The following NEURL4 variants were observed in gnomAD, a reference collection of about 807,000 sequenced individuals.
NEURL4 encodes neuralized-like protein 4.
Under a neutral mutation model 148.0 loss-of-function variants are expected in NEURL4, and 45 were observed. The observed-to-expected ratio is 0.30, with a 90% confidence interval of 0.24 to 0.39. NEURL4 has a LOEUF of 0.39. Among genes scored for constraint, NEURL4 ranks in the 10% least tolerant of loss-of-function variants. The pLI is 1.00. For missense variants in NEURL4, 1,776 were observed against 2,144.0 expected, an observed-to-expected ratio of 0.83 and a Z score of 3.39; for synonymous variants, 854 against 869.0, an observed-to-expected ratio of 0.98 and a Z score of 0.30.
rs1217534374 is a variant in NEURL4 at position 7,327,019 on chromosome 17, C to A, written c.794-10G>T. The A allele has an allele frequency of 6.2e-7, 1 of 1,608,840 alleles. No individual in the cohort carries two copies. On this transcript the variant is annotated splice_polypyrimidine_tract_variant and intron_variant, in intron 3 of 28. Coordinates refer to ENST00000399464, the MANE Select transcript of NEURL4 (RefSeq NM_032442.3). This position sits in a 1 kb window ranked among gnomAD's most constrained non-coding sequence, Gnocchi z 6.6. The stretch of plus-strand genomic sequence containing the variant: ...TCCATGTTGGCAAAGTCTATAGCAG[C>A]AGGATGGAAGAAGGAAGCTCGGAAG...
At chr17:7,328,163 T>C (rs1354327605) in intron 1 of NEURL4, among the ~76,000 whole-genome samples, 1 of 152,230 alleles carries the variant, frequency 6.6e-6, no homozygotes, top group East Asian at 1.9e-4. Flanking sequence ...TCCTTGTCTC[T>C]ATGGCTCTCC....
At chr17:7,325,144 T>TCCCCC in intron 8 of NEURL4, 65 bp downstream of exon 8, 1 of 956,478 alleles carries the variant, frequency 1.0e-6, no homozygotes, top group South Asian at 1.5e-5. Context: ...TCCACTTCCT[T>TCCCCC]GCCCCGCCCC....
rs888050207 is a variant in NEURL4 at position 7,316,442 on chromosome 17, G to A, written c.4485-115C>T. On this transcript the variant is annotated intron_variant, in intron 28 of 28. Coordinates refer to ENST00000399464, the MANE Select transcript of NEURL4 (RefSeq NM_032442.3). ...TACCTAGGAAATACTCCCACCTTAT[G>A]GGAACTTCGCTCTAGCTGTTCTACC... The A allele has an allele frequency of 5.1e-6, 4 of 782,404 alleles. No individual in the cohort carries two copies. In the African/African-American group the frequency reaches 7.0e-5, roughly 14 times the overall value. The allele number at this position is 782,404 out of a possible 1,614,324, so 48.5% of individuals were successfully genotyped here.
At chr17:7,328,362 CCTCACCTAT>C (rs1255445577) in intron 1 of NEURL4, among the ~76,000 whole-genome samples, 1 of 152,242 alleles carries the variant, frequency 6.6e-6, no homozygotes, top group Non-Finnish European at 1.5e-5. Context: ...GGATCTTTCT[CCTCACCTAT>C]CTTTCTGGCA....
Position 7,324,211 on chromosome 17 carries a change from A to G in NEURL4, c.1959T>C (p.Asn653=), listed in dbSNP as rs1489374327. Reference sequence around the variant, plus strand: ...AGGCAGCAGGGCCCTGAGTCATCCCATTGACAAAGAAGTGGAGAGTCCCGT... The same window carrying G: ...AGGCAGCAGGGCCCTGAGTCATCCCGTTGACAAAGAAGTGGAGAGTCCCGT... ...REDGTLHFFV[N]GMTQGPAAWN... Residue 653 remains asparagine (N), a synonymous_variant, in exon 11 of 29, where the codon AAT becomes AAC. Transcript: ENST00000399464. This position sits in a 1 kb window ranked among gnomAD's most constrained non-coding sequence, Gnocchi z 5.9. The G allele has an allele frequency of 3.1e-6, 5 of 1,613,766 alleles. No individual in the cohort carries two copies. The East Asian group carries it at 8.9e-5, about 29-fold the overall frequency.
At chr17:7,316,793 G>A (rs1235703791) in intron 28 of NEURL4, among the ~76,000 whole-genome samples, 1 of 152,038 alleles carries the variant, frequency 6.6e-6, no homozygotes, top group African/African-American at 2.4e-5. Context: ...TTGGTGGTGC[G>A]TGCCTGTAGT....
chr17:7,326,182 G>T lies in NEURL4; in HGVS notation c.1293+73C>A. On this transcript the variant is annotated intron_variant, in intron 6 of 28. Coordinates refer to ENST00000399464, the MANE Select transcript of NEURL4 (RefSeq NM_032442.3). The surrounding 1 kb of genome is among the most constrained non-coding windows in gnomAD (Gnocchi z 6.0). ...CTAGGTCACATAGGAGACCCTGCTT[G>T]GTGCCCTGGCAGGGACACAGAGTAC... 7.0e-7 allele frequency: 1 copy of T among 1,432,126 alleles called. No individual in the cohort carries two copies. The highest frequency in any genetic ancestry group is 9.7e-7 in the Non-Finnish European group (1 of 1,028,708). 88.7% of individuals were successfully genotyped at this position (1,432,126 alleles called of 1,614,324 possible). A position where few individuals can be genotyped will look rare whatever the true frequency, so the allele number is the denominator to read the frequency against.
At position 7,321,562 on chromosome 17, in the gene NEURL4, C is replaced by T. The variant is rs1440044571; in HGVS notation, c.3097G>A (p.Gly1033Arg). 1 of 1,614,014 alleles carries T rather than the reference C, an allele frequency of 6.2e-7. No individual in the cohort carries two copies. Among genetic ancestry groups the T allele is most frequent in the African/African-American group, 1.3e-5 (1 of 74,928 alleles). The change falls in exon 18 of 29, where the codon GGG becomes AGG. Residue 1033 changes from glycine (G) to arginine (R), a missense_variant and splice_region_variant. Transcript: ENST00000399464. This position sits in a 1 kb window ranked among gnomAD's most constrained non-coding sequence, Gnocchi z 6.3. ...GTCCCTGGAGCCAGCCACTTCACCC[C>T]CAGCCTCTCTAGGTTCCGGCCATAG... ...MNYGRNLERLGVGSRVGVRRG... is the reference protein window; with the variant it reads ...MNYGRNLERLRVGSRVGVRRG...
In NEURL4 at chr17:7,321,821, C is replaced by T. The variant is rs368137898; in HGVS notation, c.2872-34G>A. 1.7e-5 allele frequency: 27 copies of T among 1,611,792 alleles called. No homozygotes were observed. Among genetic ancestry groups the T allele is most frequent in the East Asian group, 1.6e-4 (7 of 44,838 alleles). ...CAGAGAAAACATAAGCTGGCCCTGT[C>T]GTGATGGGCCTCGCAGCCCCTCTGT... On this transcript the variant is annotated intron_variant, in intron 17 of 28. Coordinates refer to ENST00000399464, the MANE Select transcript of NEURL4 (RefSeq NM_032442.3). This position sits in a 1 kb window ranked among gnomAD's most constrained non-coding sequence, Gnocchi z 6.3.
chr17:7,327,221 A>T lies in NEURL4; in HGVS notation c.737T>A (p.Val246Glu). 6.2e-7 allele frequency: 1 copy of T among 1,610,420 alleles called. No homozygotes were observed. The highest frequency in any genetic ancestry group is 8.5e-7 in the Non-Finnish European group (1 of 1,179,154). ...QGTSADEAFM[V>E]SPAQARPETF... ...CTCCGGCCGGGCCTGCGCTGGGGAC[A>T]CCATGAAGGCTGGGGACCAGGTGGG... Residue 246 changes from valine to glutamate, a missense_variant, in exon 3 of 29, where the codon GTG becomes GAG. Physicochemically the swap from Val to Glu is moderately radical, Grantham distance 121. Coordinates refer to ENST00000399464, the MANE Select transcript of NEURL4 (RefSeq NM_032442.3). This position sits in a 1 kb window ranked among gnomAD's most constrained non-coding sequence, Gnocchi z 6.6.
rs1418327401 is a variant in NEURL4, at chr17:7,325,482, G to A, written c.1367-9C>T. On this transcript the variant is annotated splice_polypyrimidine_tract_variant and intron_variant, in intron 7 of 28. Transcript: ENST00000399464. ...CAAGGGGGTTGCCACTCCTGTGGCAGGAAGGTACGGGGGTGTGGGAGTGGA... is the reference window on the plus strand; with the variant it reads ...CAAGGGGGTTGCCACTCCTGTGGCAAGAAGGTACGGGGGTGTGGGAGTGGA... 1 of 1,609,012 alleles carries A rather than the reference G, an allele frequency of 6.2e-7. No homozygotes were observed. Among genetic ancestry groups the A allele is most frequent in the Non-Finnish European group, 8.5e-7 (1 of 1,179,344 alleles).
At position 7,323,060 on chromosome 17, in the gene NEURL4, C is replaced by A; in HGVS notation, c.2481G>T (p.Ala827=). Residue 827 remains alanine (A), a synonymous_variant, in exon 15 of 29, where the codon GCG becomes GCT. Transcript: ENST00000399464. ...TGCCAATGCGTGCACCTGTGCCCAG[C>A]GCATCCAGGTCACACCCATAATTGT... The part of the protein sequence containing the change: ...MRNNYGCDLD[A]LGTGARIGMM... The A allele has an allele frequency of 6.2e-7, 1 of 1,613,792 alleles. No homozygotes were observed. The highest frequency in any genetic ancestry group is 8.5e-7 in the Non-Finnish European group (1 of 1,179,976).
At position 7,321,865 on chromosome 17, in the gene NEURL4, C is replaced by T. The variant is rs1186102520; in HGVS notation, c.2871G>A (p.Glu957=). Residue 957 remains glutamate, a splice_region_variant and synonymous_variant, in exon 17 of 29, where the codon GAG becomes GAA. Transcript: ENST00000399464. This position sits in a 1 kb window ranked among gnomAD's most constrained non-coding sequence, Gnocchi z 6.3. ...CCTCTGTCACATCACTACGGCCTAC[C>T]TCAAAGACTTCCTCAGCCCTCAGCT... The part of the protein sequence containing the change: ...TKELRAEEVF[E]VKVEELDEKW... 1 of 1,613,486 alleles carries T rather than the reference C, an allele frequency of 6.2e-7. No individual in the cohort carries two copies. The highest frequency in any genetic ancestry group is 8.5e-7 in the Non-Finnish European group (1 of 1,179,690).
chr17:7,317,283 C>T lies in NEURL4; in HGVS notation c.4406G>A (p.Arg1469Gln), dbSNP rs571226312. ...EEPGENCAPP[R>Q]EEQPPPVLLS... Reference sequence around the variant, plus strand: ...CAGCACAGGAGGGGGCTGCTCCTCCCGAGGAGGTGCACAGTTCTCGCCAGG... The same window carrying T: ...CAGCACAGGAGGGGGCTGCTCCTCCTGAGGAGGTGCACAGTTCTCGCCAGG... The change falls in exon 28 of 29, where the codon CGG (arginine) becomes CAG (glutamine). Residue 1469 changes from arginine (R) to glutamine (Q), a missense_variant. By Grantham distance (43) the Arg-to-Gln change is conservative (BLOSUM62 1). Transcript: ENST00000399464. The T allele has an allele frequency of 1.9e-5, 29 of 1,525,530 alleles. No individual in the cohort carries two copies. The South Asian group carries it at 2.1e-4, about 11-fold the overall frequency. The allele number at this position is 1,525,530 out of a possible 1,614,324, so 94.5% of individuals were successfully genotyped here. A position where few individuals can be genotyped will look rare whatever the true frequency, so the allele number is the denominator to read the frequency against.
rs554244429 is a variant in NEURL4 at position 7,320,943 on chromosome 17, T to C, written c.3361-20A>G. On this transcript the variant is annotated intron_variant, in intron 20 of 28. Coordinates refer to ENST00000399464, the MANE Select transcript of NEURL4 (RefSeq NM_032442.3). ...CTGGCCCTGGTGTGGAGGAAGGGAC[T>C]GAGCTGCATGGGTTGCCAATGCCAG... The C allele has an allele frequency of 5.0e-6, 8 of 1,612,902 alleles. No homozygotes were observed. The highest frequency in any genetic ancestry group is 4.0e-5 in the African/African-American group (3 of 74,986).
rs1199288435 is a variant in NEURL4 at position 7,319,711 on chromosome 17, AAAAAAC to A, written c.3526-509_3526-504del. On this transcript the variant is annotated intron_variant, in intron 21 of 28. Coordinates refer to ENST00000399464, the MANE Select transcript of NEURL4 (RefSeq NM_032442.3). ...GCTAAACTCCGTCTCAAAAAAAACA[AAAAAAC>A]AAAAAAACAAAAAAAAAACATGCTG... Among the ~76,000 whole-genome samples the A allele has an allele frequency of 2.4e-3, 255 of 106,092 alleles. 3 individuals carry two copies. Among genetic ancestry groups the A allele is most frequent in the Non-Finnish European group, 4.3e-3 (210 of 48,284 alleles). The allele number at this position is 106,092 out of a possible 152,430, so 69.6% of individuals were successfully genotyped here.
At chr17:7,325,564 A>C (rs2073093517) in intron 7 of NEURL4, 77 bp downstream of exon 7, 1 of 1,584,554 alleles carries the variant, frequency 6.3e-7, no homozygotes, top group African/African-American at 1.3e-5. Context: ...AAAGAGAAGC[A>C]GGAGGATGAG....
intron 13 of NEURL4, 21 bp downstream of exon 13, chr17:7,323,626 A>G (rs1376109741): frequency 1.2e-6 from 2 of 1,613,512 alleles, no homozygotes; most frequent in Non-Finnish European, 1.7e-6. Context: ...ACAGCCCCCA[A>G]CACACACAGA....
chr17:7,321,524 C>G lies in NEURL4; in HGVS notation c.3099+36G>C. On this transcript the variant is annotated intron_variant, in intron 18 of 28. Coordinates refer to ENST00000399464, the MANE Select transcript of NEURL4 (RefSeq NM_032442.3). The surrounding 1 kb of genome is among the most constrained non-coding windows in gnomAD (Gnocchi z 6.3). The stretch of plus-strand genomic sequence containing the variant: ...CACCTCTCCCTGCCACCTCCACTCC[C>G]AACCCCTCCCCTGTCCCTGGAGCCA... 6.2e-7 allele frequency: 1 copy of G among 1,613,294 alleles called. No homozygotes were observed. The highest frequency in any genetic ancestry group is 8.5e-7 in the Non-Finnish European group (1 of 1,179,270).
Sources: gnomAD v4.1 joint callset for allele counts (sites outside exome capture counted in the v4.1 genomes callset) on GRCh38, gnomAD v4.1.1 for gene constraint, Gnocchi (gnomAD v3.1) non-coding constraint, MANE v1.5 for transcripts, NCBI Gene and HGNC (gene_info 2026-07-23, HGNC 2026-07-21) for gene names.